The following PPP1R9A variants were observed in gnomAD, a reference collection of about 807,000 sequenced individuals.
PPP1R9A encodes protein phosphatase 1 regulatory subunit 9A.
In PPP1R9A, 59 loss-of-function variants were observed where a neutral mutation model predicts 141.9. That is an observed-to-expected ratio of 0.42 (90% CI 0.34 to 0.52). PPP1R9A has a LOEUF of 0.52. PPP1R9A is among the 20% of genes least tolerant of loss of function. The pLI is 0.10. For synonymous variants in PPP1R9A, 500 were observed against 569.7 expected, an observed-to-expected ratio of 0.88 and a Z score of 1.74; for missense variants, 1,444 against 1,611.9, an observed-to-expected ratio of 0.90 and a Z score of 1.78.
At chr7:95,277,148 C>T (rs1325379495) in intron 16 of PPP1R9A, among the ~76,000 whole-genome samples, 1 of 152,148 alleles carries the variant, frequency 6.6e-6, no homozygotes, top group Non-Finnish European at 1.5e-5. Context: ...TCTTATTAGG[C>T]TAAGATTCTG....
chr7:95,138,966 T>C (rs895750071), intron 4 of PPP1R9A, among the ~76,000 whole-genome samples: 2 of 152,176 alleles, frequency 1.3e-5, no homozygotes, highest in African/African-American at 2.4e-5. Flanking sequence ...AAATGTACAC[T>C]TAACTTTTTG....
intron 4 of PPP1R9A, among the ~76,000 whole-genome samples, chr7:95,141,465 A>G (rs552429876): frequency 6.6e-6 from 1 of 152,230 alleles, no homozygotes; most frequent in South Asian, 2.1e-4. Context: ...ACCACCCAAT[A>G]TTTTTACCAC....
At chr7:95,186,102 A>G (rs546520885) in intron 5 of PPP1R9A, among the ~76,000 whole-genome samples, 11 of 152,032 alleles carry the variant, frequency 7.2e-5, no homozygotes, top group South Asian at 2.1e-4. Flanking sequence ...TTGAATTTGT[A>G]GATTGCTTTT....
intron 2 of PPP1R9A, among the ~76,000 whole-genome samples, chr7:94,944,889 TTCCAAG>T (rs1795731274): frequency 6.6e-6 from 1 of 152,032 alleles, no homozygotes; most frequent in Non-Finnish European, 1.5e-5. Context: ...AAATTTTGGA[TTCCAAG>T]TCCAGATTCA....
intron 12 of PPP1R9A, among the ~76,000 whole-genome samples, chr7:95,264,294 G>A (rs1205118070): frequency 6.6e-6 from 1 of 152,198 alleles, no homozygotes; most frequent in Non-Finnish European, 1.5e-5. Flanking sequence ...CAGTGTGATG[G>A]CATGAAGTAT....
At chr7:95,154,868 C>T (rs1189372841) in intron 4 of PPP1R9A, 2 of 152,076 alleles carry the variant, frequency 1.3e-5, no homozygotes, top group Non-Finnish European at 2.9e-5. Flanking sequence ...TTTGGATACA[C>T]AAATAGAGAA....
intron 2 of PPP1R9A, among the ~76,000 whole-genome samples, chr7:95,024,319 C>T (rs557640201): frequency 3.2e-4 from 48 of 152,098 alleles, no homozygotes; most frequent in Non-Finnish European, 6.3e-4. Context: ...AGTTCAAGTC[C>T]TGAATATCCT....
chr7:94,968,442 G>A (rs1442063074), intron 2 of PPP1R9A, among the ~76,000 whole-genome samples: 1 of 150,962 alleles, frequency 6.6e-6, no homozygotes, highest in Non-Finnish European at 1.5e-5. Flanking sequence ...AAAGTGCTGG[G>A]ATTACAGGCG....
At chr7:95,072,385 G>A (rs1813962123) in intron 2 of PPP1R9A, among the ~76,000 whole-genome samples, 1 of 142,812 alleles carries the variant, frequency 7.0e-6, no homozygotes, top group Non-Finnish European at 1.5e-5. Context: ...AGAATATCAA[G>A]GGGAAAAAGA....
chr7:95,205,833 G>T (rs760261714), intron 7 of PPP1R9A, among the ~76,000 whole-genome samples: 23 of 152,054 alleles, frequency 1.5e-4, no homozygotes, highest in Non-Finnish European at 3.1e-4. Flanking sequence ...CCATTAGCCT[G>T]TAATCTCTTC....
At chr7:95,055,134 C>T (rs147015172) in intron 2 of PPP1R9A, among the ~76,000 whole-genome samples, 1 of 152,246 alleles carries the variant, frequency 6.6e-6, no homozygotes, top group Non-Finnish European at 1.5e-5. Flanking sequence ...ATAATATGTG[C>T]ATTGCTCATT....
At chr7:95,012,762 A>G (rs1200601712) in intron 2 of PPP1R9A, among the ~76,000 whole-genome samples, 1 of 152,180 alleles carries the variant, frequency 6.6e-6, no homozygotes, top group African/African-American at 2.4e-5. Flanking sequence ...AGGCAGGACT[A>G]GGATCACTGA....
chr7:95,081,312 C>T (rs1381467387), intron 2 of PPP1R9A, among the ~76,000 whole-genome samples: 1 of 152,082 alleles, frequency 6.6e-6, no homozygotes, highest in African/African-American at 2.4e-5. Context: ...TCAAAATTGA[C>T]CCTGAAATGA....
chr7:95,082,916 C>T (rs1011835645), intron 2 of PPP1R9A, among the ~76,000 whole-genome samples: 5 of 151,362 alleles, frequency 3.3e-5, no homozygotes, highest in South Asian at 2.1e-4. Flanking sequence ...CCACCACGCC[C>T]GGCTAATTTT....
At chr7:95,068,473 G>GA (rs36043693) in intron 2 of PPP1R9A, among the ~76,000 whole-genome samples, 35,507 of 94,180 alleles carry the variant, frequency 0.38, 7,582 homozygotes, top group South Asian at 0.61. Context: ...CTTGTCTCAA[G>GA]AAAAAAAAAA....
At chr7:95,120,690 C>A (rs1388222277) in intron 3 of PPP1R9A, 22 bp from the exon 4 acceptor site, 14 of 1,606,158 alleles carry the variant, frequency 8.7e-6, no homozygotes, top group Non-Finnish European at 1.2e-5. Flanking sequence ...TTTCACCTCC[C>A]CCCTTTTTTT....
At chr7:95,056,613 G>T (rs1402469155) in intron 2 of PPP1R9A, among the ~76,000 whole-genome samples, 4 of 152,016 alleles carry the variant, frequency 2.6e-5, no homozygotes, top group Non-Finnish European at 5.9e-5. Flanking sequence ...GTATTTTTCA[G>T]TTTGCAAATA....
At chr7:94,995,573 A>G (rs1311652017) in intron 2 of PPP1R9A, among the ~76,000 whole-genome samples, 3 of 151,754 alleles carry the variant, frequency 2.0e-5, no homozygotes, top group African/African-American at 7.3e-5. Flanking sequence ...TTCTTCTGCA[A>G]TTTCTGTACT....
chr7:94,908,594 A>G (rs1363038851), intron 1 of PPP1R9A: 1 of 151,954 alleles, frequency 6.6e-6, no homozygotes, highest in Non-Finnish European at 1.5e-5. Context: ...CTGCCTCTCA[A>G]GTTGGTGTTA....
Sources: allele counts gnomAD v4.1 joint callset (sites outside exome capture counted in the v4.1 genomes callset), GRCh38; gene constraint gnomAD v4.1.1; transcripts MANE v1.5; gene names NCBI Gene and HGNC (gene_info 2026-07-23, HGNC 2026-07-21).